The following ZNF341 variants were observed in gnomAD, a reference collection of about 807,000 sequenced individuals.
ZNF341 encodes zinc finger protein 341.
A neutral mutation model predicts 87.7 loss-of-function variants in ZNF341; 52 were observed. The ratio of observed to expected loss-of-function variants is 0.59; its 90% confidence interval spans 0.47 to 0.75. ZNF341 has a LOEUF of 0.75. ZNF341 is among the 30% of genes least tolerant of loss of function. ZNF341 has a pLI of 0.00. For missense variants in ZNF341, 977 were observed against 1,145.9 expected (o/e 0.85, Z 2.13); for synonymous variants, 459 against 472.7 (o/e 0.97, Z 0.38).
At chr20:33,775,617 A>G (rs754876465) in intron 10 of ZNF341, among the ~76,000 whole-genome samples, 26 of 151,774 alleles carry the variant, frequency 1.7e-4, no homozygotes, top group Non-Finnish European at 2.4e-4. Flanking sequence ...TTCTCCATCC[A>G]CTGTGACCCA....
intron 2 of ZNF341, among the ~76,000 whole-genome samples, chr20:33,742,236 G>A (rs575751706): frequency 3.9e-4 from 60 of 152,148 alleles, no homozygotes; most frequent in African/African-American, 1.4e-3. Context: ...TTGCTCTGTC[G>A]CCCAGGCTGG....
chr20:33,789,440 G>T, intron 13 of ZNF341, 78 bp from the exon 14 acceptor site: 1 of 1,470,796 alleles, frequency 6.8e-7, no homozygotes, highest in Middle Eastern at 1.7e-4. Flanking sequence ...TGTCCCTTGT[G>T]CCCAGGGCTA....
Position 33,789,554 on chromosome 20 carries a change from G to A in ZNF341, c.2001G>A (p.Pro667=), listed in dbSNP as rs758716609. ...GCTGCAGTAAGGAGTTCAACCGGCCGGACAAGCTGAAGGCCCACATCCTCT... is the reference window on the plus strand; with the variant it reads ...GCTGCAGTAAGGAGTTCAACCGGCCAGACAAGCTGAAGGCCCACATCCTCT... The part of the protein sequence containing the change: ...HTGCSKEFNR[P]DKLKAHILSH... Residue 667 remains proline (P), a synonymous_variant, in exon 14 of 15, where the codon CCG becomes CCA. Coordinates refer to ENST00000375200, the MANE Select transcript of ZNF341 (RefSeq NM_001282933.2). The A allele has an allele frequency of 1.2e-5, 19 of 1,613,936 alleles. No homozygotes were observed. The highest frequency in any genetic ancestry group is 8.3e-5 in the Admixed American group (5 of 59,974).
intron 1 of ZNF341, among the ~76,000 whole-genome samples, chr20:33,738,921 A>C (rs971840235): frequency 6.6e-5 from 10 of 152,222 alleles, no homozygotes; most frequent in African/African-American, 2.2e-4. Flanking sequence ...TGACAAGGGA[A>C]GGCATGGATT....
At position 33,732,266 on chromosome 20, in the gene ZNF341, G is replaced by A. The variant is rs1242562224; in HGVS notation, c.31+214G>A. Among the ~76,000 whole-genome samples the A allele has an allele frequency of 2.7e-5, 4 of 150,686 alleles. No homozygotes were observed. The highest frequency in any genetic ancestry group is 9.7e-5 in the African/African-American group (4 of 41,222). ...GGGCCGGAACAGCCGGGGAGAGCCA[G>A]GCCGGCGGGGAGGGGGCTCGGGTCC... On this transcript the variant is annotated intron_variant, in intron 1 of 14. Coordinates refer to ENST00000375200, the MANE Select transcript of ZNF341 (RefSeq NM_001282933.2). The surrounding 1 kb of genome is among the most constrained non-coding windows in gnomAD (Gnocchi z 4.5).
Position 33,766,960 on chromosome 20 carries a change from C to T in ZNF341, c.1332C>T (p.Ser444=), listed in dbSNP as rs146689896. Residue 444 remains serine, a synonymous_variant, in exon 9 of 15, where the codon TCC becomes TCT. Transcript: ENST00000375200. The part of the protein sequence containing the change: ...ESKQVVLIDS[S]YLCQFCPSKF... ...AGCAGGTGGTCCTCATCGACAGCTC[C>T]TACCTGTGCCAATTCTGCCCCAGCA... 1.9e-6 allele frequency: 3 copies of T among 1,614,198 alleles called. No homozygotes were observed. Among genetic ancestry groups the T allele is most frequent in the Admixed American group, 1.7e-5 (1 of 60,028 alleles).
intron 10 of ZNF341, among the ~76,000 whole-genome samples, chr20:33,778,537 C>T (rs1012500151): frequency 5.3e-5 from 8 of 152,202 alleles, no homozygotes; most frequent in African/African-American, 1.9e-4. Flanking sequence ...TCTCGAACTC[C>T]TGACCTTAAG....
At position 33,786,027 on chromosome 20, in the gene ZNF341, C is replaced by CTT. The variant is rs11478588; in HGVS notation, c.1852+2186_1852+2187dup. On this transcript the variant is annotated intron_variant, in intron 12 of 14. Transcript: ENST00000375200. ...TTTAGCCAGTTCTCTATGTATGAAC[C>CTT]TTTTTTTTTTTTTTTTTTTTTTTTG... Among the ~76,000 whole-genome samples, 665 of 68,616 alleles carry CTT rather than the reference C, an allele frequency of 9.7e-3. 1 individual carries two copies. The highest frequency in any genetic ancestry group is 0.011 in the Non-Finnish European group (446 of 39,922). 45.0% of individuals were successfully genotyped at this position (68,616 alleles called of 152,430 possible).
At chr20:33,746,546 T>C (rs1601240095) in intron 3 of ZNF341, among the ~76,000 whole-genome samples, 1 of 152,002 alleles carries the variant, frequency 6.6e-6, no homozygotes, top group African/African-American at 2.4e-5. Flanking sequence ...GGGCTTTTAC[T>C]GAGAATGACA....
rs2019417837 is a variant in ZNF341 at position 33,766,894 on chromosome 20, G to T, written c.1266G>T (p.Leu422Phe). The change falls in exon 9 of 15, where the codon TTG becomes TTT. Residue 422 changes from leucine (L) to phenylalanine (F), a missense_variant. By Grantham distance (22) the Leu-to-Phe change is conservative. This residue lies in a region of ZNF341 where 515 missense variants were observed against 598.2 expected (regional missense o/e 0.86). Transcript: ENST00000375200. ...PLPGAPQPQALSTAGEEEGDK... is the reference protein window; with the variant it reads ...PLPGAPQPQAFSTAGEEEGDK... ...CGGGTGCGCCACAGCCCCAGGCCTT[G>T]TCCACAGCTGGTGAGGAAGAGGGGG... 3 of 1,613,940 alleles carry T rather than the reference G, an allele frequency of 1.9e-6. No homozygotes were observed. The African/African-American group carries it at 4.0e-5, about 22-fold the overall frequency.
In ZNF341 at chr20:33,770,673, C is replaced by T. The variant is rs544961622; in HGVS notation, c.1622+381C>T. Reference sequence around the variant, plus strand: ...TTAGCTTACAGTCAAAGCGGTACACCGGTTCTTAACAATTAAAAAAGAATG... The same window carrying T: ...TTAGCTTACAGTCAAAGCGGTACACTGGTTCTTAACAATTAAAAAAGAATG... On this transcript the variant is annotated intron_variant, in intron 10 of 14. Coordinates refer to ENST00000375200, the MANE Select transcript of ZNF341 (RefSeq NM_001282933.2). Among the ~76,000 whole-genome samples, 7 of 152,224 alleles carry T rather than the reference C, an allele frequency of 4.6e-5. No homozygotes were observed. The South Asian group carries it at 1.0e-3, about 23-fold the overall frequency.
chr20:33,750,956 T>G (rs755118546), intron 4 of ZNF341, among the ~76,000 whole-genome samples: 6 of 151,690 alleles, frequency 4.0e-5, no homozygotes, highest in Non-Finnish European at 5.9e-5. Flanking sequence ...AAATTTTTTT[T>G]TAGAGACAGA....
At chr20:33,788,996 G>T (rs757964162) in intron 13 of ZNF341, 22 bp downstream of exon 13, 4 of 1,586,864 alleles carry the variant, frequency 2.5e-6, no homozygotes, top group African/African-American at 1.3e-5. Flanking sequence ...CTGCCATGCA[G>T]GGGGGTGGGT....
intron 6 of ZNF341, among the ~76,000 whole-genome samples, chr20:33,758,373 AAGGTTAGCT>A (rs2019224334): frequency 6.6e-6 from 1 of 152,176 alleles, no homozygotes; most frequent in Non-Finnish European, 1.5e-5. Context: ...TAAGGTTAGC[AAGGTTAGCT>A]AGGAGTCCAC....
At chr20:33,738,619 T>C (rs1444932322) in intron 1 of ZNF341, among the ~76,000 whole-genome samples, 1 of 152,154 alleles carries the variant, frequency 6.6e-6, no homozygotes, top group East Asian at 1.9e-4. Flanking sequence ...TTTTCAAAGG[T>C]GGTTCCAGAT....
intron 3 of ZNF341, among the ~76,000 whole-genome samples, chr20:33,746,500 A>G (rs6057896): frequency 0.057 from 8,653 of 151,976 alleles, 841 homozygotes; most frequent in African/African-American, 0.2. Context: ...CCAAAGTGCC[A>G]GGATAACAAG....
At chr20:33,735,332 C>G (rs1309613632) in intron 1 of ZNF341, among the ~76,000 whole-genome samples, 1 of 152,000 alleles carries the variant, frequency 6.6e-6, no homozygotes, top group African/African-American at 2.4e-5. Flanking sequence ...GTCCAGCCAG[C>G]CTTTTTTATT....
intron 1 of ZNF341, among the ~76,000 whole-genome samples, chr20:33,740,516 TG>T (rs2018776662): frequency 1.3e-5 from 2 of 152,050 alleles, no homozygotes; most frequent in Non-Finnish European, 2.9e-5. Flanking sequence ...TTGTCTTGCT[TG>T]AGACAGGGTC....
At chr20:33,763,932 C>T (rs1340004151) in intron 8 of ZNF341, among the ~76,000 whole-genome samples, 2 of 151,100 alleles carry the variant, frequency 1.3e-5, no homozygotes, top group East Asian at 4.0e-4. Flanking sequence ...GCCTGTAATC[C>T]CAGCACTTTG....
Sources: allele counts gnomAD v4.1 joint callset (sites outside exome capture counted in the v4.1 genomes callset), GRCh38; gene constraint gnomAD v4.1.1; regional missense constraint gnomAD v4.1.1; non-coding constraint Gnocchi (gnomAD v3.1); transcripts MANE v1.5; gene names NCBI Gene and HGNC (gene_info 2026-07-23, HGNC 2026-07-21).